The following ADAM9 variants were observed in gnomAD, a reference collection of about 807,000 sequenced individuals.
ADAM9 encodes ADAM metallopeptidase domain 9.
ADAM9 carries 54 observed loss-of-function variants against 108.1 expected under a neutral mutation model. That is an observed-to-expected ratio of 0.50 (90% CI 0.40 to 0.63). The LOEUF (loss-of-function observed/expected upper bound fraction) is 0.63. Among genes scored for constraint, ADAM9 ranks in the 20% least tolerant of loss-of-function variants. The pLI, the probability that ADAM9 is intolerant of heterozygous loss-of-function variation, is 0.00. For missense variants in ADAM9, 830 were observed against 997.7 expected, an observed-to-expected ratio of 0.83 and a Z score of 2.26; for synonymous variants, 316 against 336.0, an observed-to-expected ratio of 0.94 and a Z score of 0.65.
At chr8:39,017,929 C>T (rs1188024588) in intron 6 of ADAM9, among the ~76,000 whole-genome samples, 1 of 152,204 alleles carries the variant, frequency 6.6e-6, no homozygotes, top group Non-Finnish European at 1.5e-5. Flanking sequence ...TTAGACAACT[C>T]AAATGGTGAT....
At chr8:39,011,591 A>C in intron 2 of ADAM9, 67 bp from the exon 3 acceptor site, 1 of 1,403,162 alleles carries the variant, frequency 7.1e-7, no homozygotes, top group East Asian at 2.3e-5. Context: ...GCATCTTATA[A>C]ATGAGATGTT....
intron 16 of ADAM9, among the ~76,000 whole-genome samples, chr8:39,079,146 T>TA (rs1269025272): frequency 6.6e-6 from 1 of 152,212 alleles, no homozygotes; most frequent in Non-Finnish European, 1.5e-5. Flanking sequence ...CAGTTAAACT[T>TA]ACCTGTCCAG....
At chr8:39,002,926 C>G (rs921201084) in intron 1 of ADAM9, among the ~76,000 whole-genome samples, 14 of 152,082 alleles carry the variant, frequency 9.2e-5, no homozygotes, top group African/African-American at 2.7e-4. Context: ...CAACCTCCCC[C>G]TCCTGGGCTA....
At chr8:39,035,084 T>G (rs187661600) in intron 11 of ADAM9, among the ~76,000 whole-genome samples, 1 of 152,358 alleles carries the variant, frequency 6.6e-6, no homozygotes, top group East Asian at 1.9e-4. Flanking sequence ...AACTGTGTGT[T>G]AGACCTCACT....
At chr8:39,054,224 G>A (rs1170637206) in intron 12 of ADAM9, among the ~76,000 whole-genome samples, 6 of 152,066 alleles carry the variant, frequency 3.9e-5, no homozygotes, top group African/African-American at 1.4e-4. Context: ...TAAACCTGTG[G>A]TATTTTGTTA....
intron 7 of ADAM9, among the ~76,000 whole-genome samples, chr8:39,021,433 G>GCC (rs1256535343): frequency 6.6e-6 from 1 of 152,024 alleles, no homozygotes; most frequent in Admixed American, 6.6e-5. Flanking sequence ...ATAGGCACCT[G>GCC]CCACCACGCC....
At chr8:39,073,073 C>G (rs1838747467) in intron 15 of ADAM9, among the ~76,000 whole-genome samples, 1 of 152,114 alleles carries the variant, frequency 6.6e-6, no homozygotes, top group Non-Finnish European at 1.5e-5. Flanking sequence ...GTGGGCCAGC[C>G]TCTTAATACC....
chr8:39,052,138 T>G (rs938227654), intron 12 of ADAM9, among the ~76,000 whole-genome samples: 1 of 152,188 alleles, frequency 6.6e-6, no homozygotes, highest in African/African-American at 2.4e-5. Context: ...TGCCATTGTG[T>G]ACCCATAGTC....
At chr8:39,002,112 T>C in intron 1 of ADAM9, among the ~76,000 whole-genome samples, 1 of 151,636 alleles carries the variant, frequency 6.6e-6, no homozygotes, top group Non-Finnish European at 1.5e-5. Flanking sequence ...TAATAGTGCT[T>C]TGTAGATCTA....
At chr8:39,048,258 GT>G in intron 12 of ADAM9, among the ~76,000 whole-genome samples, 1 of 152,080 alleles carries the variant, frequency 6.6e-6, no homozygotes, top group East Asian at 1.9e-4. Flanking sequence ...TACATATTGT[GT>G]TTTTTGTTTG....
chr8:39,088,552 C>T (rs567463262), intron 18 of ADAM9, among the ~76,000 whole-genome samples: 4 of 152,168 alleles, frequency 2.6e-5, no homozygotes, highest in Admixed American at 6.5e-5. Flanking sequence ...CCACTGCGCC[C>T]GGCCAGTTTT....
At chr8:39,080,096 A>C (rs1468183203) in intron 16 of ADAM9, among the ~76,000 whole-genome samples, 1 of 151,686 alleles carries the variant, frequency 6.6e-6, no homozygotes, top group Non-Finnish European at 1.5e-5. Context: ...GTATTACACA[A>C]ATTATTTATT....
Position 39,021,594 on chromosome 8 carries a change from A to G in ADAM9, c.673-49A>G, listed in dbSNP as rs767738912. 1.2e-5 allele frequency: 18 copies of G among 1,544,876 alleles called. No homozygotes were observed. The East Asian group carries it at 3.4e-4, about 29-fold the overall frequency. On this transcript the variant is annotated intron_variant, in intron 7 of 21. Coordinates refer to ENST00000487273, the MANE Select transcript of ADAM9 (RefSeq NM_003816.3). ...GTACTGCACCCGGCCTTACATTTCT[A>G]TTCTTAAAGTACTTTGGTGATAATG...
In ADAM9 at chr8:39,018,958, G is replaced by T. The variant is rs751895581; in HGVS notation, c.672+40G>T. On this transcript the variant is annotated intron_variant, in intron 7 of 21. Coordinates refer to ENST00000487273, the MANE Select transcript of ADAM9 (RefSeq NM_003816.3). ...AATTTTTCTTCTTTTCCATGAAAAG[G>T]ATATGAGAAGTGAGCATTTAATGAA... The T allele has an allele frequency of 3.9e-6, 6 of 1,540,658 alleles. No individual in the cohort carries two copies. The African/African-American group carries it at 6.8e-5, about 17-fold the overall frequency.
intron 20 of ADAM9, among the ~76,000 whole-genome samples, chr8:39,096,504 A>G (rs1281490306): frequency 6.6e-6 from 1 of 152,156 alleles, no homozygotes; most frequent in Non-Finnish European, 1.5e-5. Flanking sequence ...ATTGCTTATC[A>G]TTAACACAGA....
chr8:39,007,732 C>T (rs1836209195), intron 1 of ADAM9, among the ~76,000 whole-genome samples, 154 bp from the exon 2 acceptor site: 1 of 152,158 alleles, frequency 6.6e-6, no homozygotes, highest in African/African-American at 2.4e-5. Context: ...TGTATTAATA[C>T]AACTTTATAT....
chr8:39,027,670 C>T (rs1371082885), intron 11 of ADAM9, among the ~76,000 whole-genome samples: 1 of 152,136 alleles, frequency 6.6e-6, no homozygotes, highest in Non-Finnish European at 1.5e-5. Flanking sequence ...GTAATGCCAA[C>T]GAGGTTCCTT....
At chr8:39,075,101 T>G (rs948329961) in intron 15 of ADAM9, among the ~76,000 whole-genome samples, 12 of 151,968 alleles carry the variant, frequency 7.9e-5, no homozygotes, top group Non-Finnish European at 1.8e-4. Context: ...GAGATGGGGT[T>G]TCCCTATGTT....
intron 7 of ADAM9, among the ~76,000 whole-genome samples, chr8:39,021,020 G>A (rs1836721844): frequency 6.6e-6 from 1 of 152,130 alleles, no homozygotes; most frequent in Non-Finnish European, 1.5e-5. Context: ...TTTGTGAAAT[G>A]CTTGAAAATA....
Sources: allele counts gnomAD v4.1 joint callset (sites outside exome capture counted in the v4.1 genomes callset), GRCh38; gene constraint gnomAD v4.1.1; transcripts MANE v1.5; gene names NCBI Gene and HGNC (gene_info 2026-07-23, HGNC 2026-07-21).